NSUN6: variants seen among roughly 807,000 people sequenced by gnomAD.
NSUN6 encodes NOP2/Sun RNA methyltransferase 6, also known as tRNA (cytosine(72)-C(5))-methyltransferase NSUN6.
A neutral mutation model predicts 58.0 loss-of-function variants in NSUN6; 64 were observed. That is an observed-to-expected ratio of 1.10 (90% CI 0.90 to 1.36). The LOEUF is 1.36. Among genes scored for constraint, NSUN6 ranks in the 40% most tolerant of loss-of-function variants. The pLI is 0.00. For missense variants in NSUN6, 701 were observed against 550.1 expected, an observed-to-expected ratio of 1.27 and a Z score of -2.74; for synonymous variants, 231 against 193.9, an observed-to-expected ratio of 1.19 and a Z score of -1.59.
chr10:18,583,831 TGC>T lies in NSUN6; in HGVS notation c.922+2116_922+2117del, dbSNP rs555960361. ...TAGATTATGTAATCTTGTAACTGAG[TGC>T]TTGCATTTTTCTAAGAAAAAAGGAA... On this transcript the variant is annotated intron_variant, in intron 8 of 10. Transcript: ENST00000377304. 3.8e-3 allele frequency among the ~76,000 whole-genome samples: 572 copies of T among 152,290 alleles called. 4 individuals are homozygous for T. Among genetic ancestry groups the T allele is most frequent in the African/African-American group, 0.013 (540 of 41,554 alleles).
At chr10:18,617,769 T>C (rs1007728999) in intron 3 of NSUN6, among the ~76,000 whole-genome samples, 4 of 152,098 alleles carry the variant, frequency 2.6e-5, no homozygotes, top group Non-Finnish European at 4.4e-5. Context: ...TGTTGGAATA[T>C]GAGGCCTATT....
At chr10:18,655,374 A>G (rs542694444), upstream of NSUN6, among the ~76,000 whole-genome samples, 111 of 152,352 alleles carry the variant, frequency 7.3e-4, no homozygotes, top group Non-Finnish European at 1.5e-3. Flanking sequence ...TGAAATACAG[A>G]TAATAGCTCC....
At chr10:18,555,373 G>C (rs979119516) in intron 8 of NSUN6, among the ~76,000 whole-genome samples, 1 of 151,292 alleles carries the variant, frequency 6.6e-6, no homozygotes, top group Non-Finnish European at 1.5e-5. Context: ...GAATGGAATG[G>C]AGAATGGAAT....
chr10:18,603,603 T>A (rs1343654532), intron 6 of NSUN6, among the ~76,000 whole-genome samples: 1 of 151,878 alleles, frequency 6.6e-6, no homozygotes, highest in Non-Finnish European at 1.5e-5. Flanking sequence ...CCCAAATAGC[T>A]GGGATTACAG....
At chr10:18,556,587 G>A (rs117171246) in intron 8 of NSUN6, among the ~76,000 whole-genome samples, 7,333 of 150,976 alleles carry the variant, frequency 0.049, 265 homozygotes, top group Non-Finnish European at 0.077. Flanking sequence ...AGGATGGTGT[G>A]GAGAATGGAA....
At chr10:18,646,667 A>AC in intron 2 of NSUN6, among the ~76,000 whole-genome samples, 1 of 152,280 alleles carries the variant, frequency 6.6e-6, no homozygotes, top group African/African-American at 2.4e-5. Flanking sequence ...ATATGGTGAA[A>AC]CCCCATCTCT....
At chr10:18,566,090 T>C (rs2055910497) in intron 8 of NSUN6, among the ~76,000 whole-genome samples, 1 of 150,942 alleles carries the variant, frequency 6.6e-6, no homozygotes, top group African/African-American at 2.4e-5. Context: ...TTCTTTATTC[T>C]ATTCCATTCC....
At chr10:18,657,188 T>C (rs184267071), upstream of NSUN6, among the ~76,000 whole-genome samples, 1 of 152,336 alleles carries the variant, frequency 6.6e-6, no homozygotes, top group Non-Finnish European at 1.5e-5. Context: ...GATATCTGTT[T>C]AGATAATACA....
upstream of NSUN6, chr10:18,651,950 C>A: frequency 1.0e-6 from 1 of 985,402 alleles, no homozygotes; most frequent in Non-Finnish European, 1.2e-6. Context: ...AGATGTCCTC[C>A]AGTTAGAGGA....
chr10:18,619,095 T>A lies in NSUN6; in HGVS notation c.312-2802A>T, dbSNP rs115224397. Among the ~76,000 whole-genome samples, 1,258 of 152,308 alleles carry A rather than the reference T, an allele frequency of 8.3e-3. 14 individuals carry two copies. The highest frequency in any genetic ancestry group is 0.033 in the South Asian group (158 of 4,822). ...GAGGGAAATCCAATCCTGCAGCTTA[T>A]TATATATGCTGATTCTTACTCATAG... On this transcript the variant is annotated intron_variant, in intron 3 of 10. Coordinates refer to ENST00000377304, the MANE Select transcript of NSUN6 (RefSeq NM_182543.5).
chr10:18,579,433 G>A (rs2056808351), intron 8 of NSUN6, among the ~76,000 whole-genome samples: 1 of 152,136 alleles, frequency 6.6e-6, no homozygotes, highest in Non-Finnish European at 1.5e-5. Context: ...GCCTCCCAAA[G>A]TGCTGGGATT....
intron 8 of NSUN6, among the ~76,000 whole-genome samples, chr10:18,577,939 C>G (rs12772534): frequency 7.8e-4 from 119 of 152,156 alleles, no homozygotes; most frequent in African/African-American, 2.8e-3. Context: ...AGGAGCCATA[C>G]GCGTAAGGGA....
At chr10:18,630,267 A>C (rs1054911830) in intron 3 of NSUN6, among the ~76,000 whole-genome samples, 2 of 150,550 alleles carry the variant, frequency 1.3e-5, no homozygotes, top group African/African-American at 4.9e-5. Flanking sequence ...ATGTAGAGGG[A>C]AATTTATAGC....
At chr10:18,547,169 T>G (rs574613950) in intron 10 of NSUN6, among the ~76,000 whole-genome samples, 2 of 152,276 alleles carry the variant, frequency 1.3e-5, no homozygotes, top group East Asian at 3.9e-4. Context: ...GAATGATACT[T>G]GCAAACTACT....
chr10:18,606,675 C>T (rs1391273579), intron 6 of NSUN6, among the ~76,000 whole-genome samples: 5 of 152,076 alleles, frequency 3.3e-5, no homozygotes, highest in African/African-American at 1.2e-4. Flanking sequence ...CTTTGCAAAT[C>T]TATAATTCTA....
chr10:18,576,617 G>A (rs1181055912), intron 8 of NSUN6, among the ~76,000 whole-genome samples: 5 of 152,122 alleles, frequency 3.3e-5, no homozygotes, highest in Admixed American at 6.6e-5. Flanking sequence ...GTCAGCCCCC[G>A]AGGGCCATCC....
chr10:18,572,175 C>G (rs979698316), intron 8 of NSUN6, among the ~76,000 whole-genome samples: 3 of 151,666 alleles, frequency 2.0e-5, no homozygotes, highest in African/African-American at 7.3e-5. Context: ...CTTCCATTCT[C>G]CATTCCATTC....
chr10:18,582,541 G>A (rs1401265334), intron 8 of NSUN6, among the ~76,000 whole-genome samples: 3 of 152,106 alleles, frequency 2.0e-5, no homozygotes, highest in Non-Finnish European at 4.4e-5. Flanking sequence ...CTTCTGGGCT[G>A]GGAAAAACCT....
chr10:18,650,559 G>A (rs1214479860), intron 1 of NSUN6, among the ~76,000 whole-genome samples: 2 of 152,076 alleles, frequency 1.3e-5, no homozygotes, highest in Non-Finnish European at 2.9e-5. Context: ...TTCAAAAGCT[G>A]TACCTTTGTT....
Sources: gnomAD v4.1 joint callset for allele counts (sites outside exome capture counted in the v4.1 genomes callset) on GRCh38, gnomAD v4.1.1 for gene constraint, MANE v1.5 for transcripts, NCBI Gene and HGNC (gene_info 2026-07-23, HGNC 2026-07-21) for gene names.